Variants in CUL5 observed in about 807,000 individuals in gnomAD.
CUL5 encodes cullin-5.
Under a neutral mutation model 108.8 loss-of-function variants are expected in CUL5, and 26 were observed. The ratio of observed to expected loss-of-function variants is 0.24; its 90% CI spans 0.18 to 0.33. CUL5 has a LOEUF of 0.33. CUL5 is among the 10% of genes least tolerant of loss of function. CUL5 has a pLI of 1.00. For missense variants in CUL5, 524 were observed against 909.2 expected, an observed-to-expected ratio of 0.58 and a Z score of 5.45; for synonymous variants, 334 against 298.0, an observed-to-expected ratio of 1.12 and a Z score of -1.25.
At position 108,009,289 on chromosome 11, in the gene CUL5, G is replaced by C; in HGVS notation, c.-60G>C. On this transcript the variant is annotated 5_prime_UTR_variant, in exon 1 of 19. Transcript: ENST00000393094. ...GGTGGGAGCTCCGGCCTCCGGTCAA[G>C]GCCTGGCCGGGAGCGCCACGAATTC... The C allele has an allele frequency of 6.2e-7, 1 of 1,602,342 alleles. No individual in the cohort carries two copies. Among genetic ancestry groups the C allele is most frequent in the Non-Finnish European group, 8.5e-7 (1 of 1,171,134 alleles).
rs571030575 is a variant in CUL5 at position 108,061,372 on chromosome 11, G to A, written c.780+6417G>A. On this transcript the variant is annotated intron_variant, in intron 7 of 18. Coordinates refer to ENST00000393094, the MANE Select transcript of CUL5 (RefSeq NM_003478.6). Reference sequence around the variant, plus strand: ...TGAAATAAGGAGAGAATTCTATCTAGCAATCTCCCTACTTTTTGCCTAGGT... The same window carrying A: ...TGAAATAAGGAGAGAATTCTATCTAACAATCTCCCTACTTTTTGCCTAGGT... 3.3e-5 allele frequency among the ~76,000 whole-genome samples: 5 copies of A among 152,232 alleles called. 1 individual carries two copies. The highest frequency in any genetic ancestry group is 1.2e-4 in the African/African-American group (5 of 41,542).
At position 108,046,381 on chromosome 11, in the gene CUL5, A is replaced by G. The variant is rs368712400; in HGVS notation, c.234+12A>G. 1.3e-5 allele frequency: 19 copies of G among 1,482,714 alleles called. No individual in the cohort carries two copies. In the African/African-American group the frequency reaches 2.1e-4, roughly 16 times the overall value. The allele number at this position is 1,482,714 out of a possible 1,614,324, so 91.8% of individuals were successfully genotyped here. ...AGCAAGCACAGGCAGTAAGTTCTAC[A>G]TGCTTATTTTAGACTTGTTTTAAAA... On this transcript the variant is annotated intron_variant, in intron 3 of 18. Coordinates refer to ENST00000393094, the MANE Select transcript of CUL5 (RefSeq NM_003478.6).
Position 108,104,446 on chromosome 11 carries a change from A to G in CUL5, c.*62A>G. The G allele has an allele frequency of 9.4e-7, 1 of 1,061,182 alleles. No individual in the cohort carries two copies. Among genetic ancestry groups the G allele is most frequent in the South Asian group, 1.8e-5 (1 of 54,458 alleles). 65.7% of individuals were successfully genotyped at this position (1,061,182 alleles called of 1,614,324 possible). On this transcript the variant is annotated 3_prime_UTR_variant, in exon 19 of 19. Coordinates refer to ENST00000393094, the MANE Select transcript of CUL5 (RefSeq NM_003478.6). ...TTGGAGTGCTTGGGCAGAAAGTTGTAAAGTTTGTGCTGGAGAAAGGTTTAT... is the reference window on the plus strand; with the variant it reads ...TTGGAGTGCTTGGGCAGAAAGTTGTGAAGTTTGTGCTGGAGAAAGGTTTAT...
At chr11:108,059,202 G>A (rs1410487184) in intron 7 of CUL5, among the ~76,000 whole-genome samples, 1 of 152,138 alleles carries the variant, frequency 6.6e-6, no homozygotes, top group Admixed American at 6.6e-5. Flanking sequence ...CTTAAAATTT[G>A]TGTTTGGTTT....
intron 17 of CUL5, 59 bp from the exon 18 acceptor site, chr11:108,098,347 A>C: frequency 2.8e-6 from 4 of 1,443,750 alleles, no homozygotes; most frequent in Non-Finnish European, 3.8e-6. Flanking sequence ...CATTGTTGCT[A>C]TAATAGGATT....
intron 18 of CUL5, among the ~76,000 whole-genome samples, chr11:108,100,162 GGTA>G (rs1231424177): frequency 6.6e-6 from 1 of 152,020 alleles, no homozygotes; most frequent in Admixed American, 6.6e-5. Context: ...AAAAAAAGGT[GGTA>G]GTGGTGGAAC....
intron 13 of CUL5, among the ~76,000 whole-genome samples, chr11:108,091,117 T>C (rs1374824974): frequency 1.3e-5 from 2 of 151,988 alleles, no homozygotes. Flanking sequence ...AGTGGTGCAA[T>C]CTTGACTCAC....
intron 2 of CUL5, among the ~76,000 whole-genome samples, chr11:108,038,895 A>AT (rs1222627501): frequency 2.6e-5 from 4 of 151,626 alleles, no homozygotes; most frequent in East Asian, 1.9e-4. Flanking sequence ...ATTGACTGAG[A>AT]TTTTCCCCCC....
chr11:108,088,508 C>CTTTTA lies in CUL5; in HGVS notation c.1179-18_1179-14dup. On this transcript the variant is annotated intron_variant, in intron 11 of 18. Transcript: ENST00000393094. ...ACATTAATCATTTTTCCATCAACTGCTTTTAATTTGTTTTTTAGGGTGGGA... is the reference window on the plus strand; with the variant it reads ...ACATTAATCATTTTTCCATCAACTGCTTTTATTTTAATTTGTTTTTTAGGGTGGGA... 6.3e-7 allele frequency: 1 copy of CTTTTA among 1,575,178 alleles called. No homozygotes were observed. The highest frequency in any genetic ancestry group is 8.6e-7 in the Non-Finnish European group (1 of 1,167,458).
At chr11:108,072,561 T>C in intron 9 of CUL5, 99 bp downstream of exon 9, 1 of 1,028,780 alleles carries the variant, frequency 9.7e-7, no homozygotes, top group South Asian at 1.7e-5. Context: ...GGCTGGGGGT[T>C]GGGGGAGCAG....
At chr11:108,064,479 A>T (rs1480261561) in intron 7 of CUL5, among the ~76,000 whole-genome samples, 1 of 152,174 alleles carries the variant, frequency 6.6e-6, no homozygotes, top group Non-Finnish European at 1.5e-5. Context: ...AGGCCAAGGC[A>T]GGTGGATCAC....
chr11:108,070,187 A>C lies in CUL5; in HGVS notation c.872A>C (p.Glu291Ala). 6.2e-7 allele frequency: 1 copy of C among 1,600,012 alleles called. No individual in the cohort carries two copies. The highest frequency in any genetic ancestry group is 8.6e-7 in the Non-Finnish European group (1 of 1,168,374). The change falls in exon 8 of 19, where the codon GAA becomes GCA. Residue 291 changes from glutamate to alanine, a missense_variant and splice_region_variant. This residue lies in a region of CUL5 where 170 missense variants were observed against 305.1 expected (regional missense o/e 0.56). Transcript: ENST00000393094. The part of the protein sequence containing the change: ...CQGMIKRNET[E>A]KLHLMFSLMD... Reference sequence around the variant, plus strand: ...GGCATGATCAAGAGAAATGAAACTGAAAGTAGGTAAAACATCACATAAAGT... The same window carrying C: ...GGCATGATCAAGAGAAATGAAACTGCAAGTAGGTAAAACATCACATAAAGT...
At chr11:108,012,707 C>T in intron 1 of CUL5, among the ~76,000 whole-genome samples, 1 of 152,032 alleles carries the variant, frequency 6.6e-6, no homozygotes, top group East Asian at 1.9e-4. Context: ...AGCAATTCTC[C>T]TGCCTCAACC....
At chr11:108,087,555 A>C (rs984959964) in intron 11 of CUL5, among the ~76,000 whole-genome samples, 5 of 152,184 alleles carry the variant, frequency 3.3e-5, no homozygotes, top group Non-Finnish European at 5.9e-5. Context: ...ACTCAGGAGG[A>C]GTCCAGCCTG....
chr11:108,098,242 A>G (rs952712823), intron 17 of CUL5, among the ~76,000 whole-genome samples, 164 bp from the exon 18 acceptor site: 6 of 152,210 alleles, frequency 3.9e-5, no homozygotes, highest in African/African-American at 1.4e-4. Context: ...AGGAAAATAC[A>G]TAGAGTTTGT....
chr11:108,089,946 A>G (rs903353293), intron 13 of CUL5, among the ~76,000 whole-genome samples: 3 of 152,042 alleles, frequency 2.0e-5, no homozygotes, highest in Non-Finnish European at 4.4e-5. Context: ...AGGCTGAGGC[A>G]AGAGAATCAC....
At chr11:108,015,147 C>T (rs1862149663) in intron 1 of CUL5, among the ~76,000 whole-genome samples, 1 of 152,188 alleles carries the variant, frequency 6.6e-6, no homozygotes, top group Non-Finnish European at 1.5e-5. Context: ...GATCCTCCCA[C>T]CTCAGCCTCC....
intron 18 of CUL5, 27 bp from the exon 19 acceptor site, chr11:108,104,163 C>A: frequency 7.0e-7 from 1 of 1,434,216 alleles, no homozygotes; most frequent in Non-Finnish European, 9.5e-7. Flanking sequence ...TATATTAATG[C>A]GCTTTTATTT....
chr11:108,087,674 A>G (rs1054269790), intron 11 of CUL5, among the ~76,000 whole-genome samples: 1 of 152,198 alleles, frequency 6.6e-6, no homozygotes, highest in Non-Finnish European at 1.5e-5. Context: ...TTAAATTGTT[A>G]TCAGGAGCCA....
Sources: gnomAD v4.1 joint callset for allele counts (sites outside exome capture counted in the v4.1 genomes callset) on GRCh38, gnomAD v4.1.1 for gene constraint, gnomAD v4.1.1 regional missense constraint, MANE v1.5 for transcripts, NCBI Gene and HGNC (gene_info 2026-07-23, HGNC 2026-07-21) for gene names.